FKBP9: variants seen among roughly 807,000 people sequenced by gnomAD.
FKBP9 encodes the protein FKBP prolyl isomerase 9.
Under a neutral mutation model 55.6 loss-of-function variants are expected in FKBP9, and 27 were observed. The observed-to-expected ratio is 0.49, with a 90% CI of 0.36 to 0.67. The LOEUF is 0.67. FKBP9 is among the 30% of genes least tolerant of loss of function. The probability of loss-of-function intolerance (pLI) is 0.00; values close to 1 mark genes in which losing one functional copy is unlikely to be tolerated. For synonymous variants in FKBP9, 267 were observed against 296.5 expected, an observed-to-expected ratio of 0.90 and a Z score of 1.02; for missense variants, 539 against 742.8, an observed-to-expected ratio of 0.73 and a Z score of 3.19.
intron 6 of FKBP9, among the ~76,000 whole-genome samples, chr7:32,992,529 C>G (rs1373374752): frequency 2.6e-5 from 4 of 152,212 alleles, no homozygotes; most frequent in East Asian, 1.9e-4. Context: ...AGGGTTTATA[C>G]AGAGAGGAGG....
intron 6 of FKBP9, 40 bp downstream of exon 6, chr7:32,988,692 C>T (rs1784623372): frequency 1.9e-6 from 3 of 1,604,070 alleles, no homozygotes; most frequent in Non-Finnish European, 2.6e-6. Context: ...CTAGCTGTGG[C>T]TGCTTCCACA....
At chr7:32,989,302 A>G (rs1381907015) in intron 6 of FKBP9, among the ~76,000 whole-genome samples, 1 of 152,184 alleles carries the variant, frequency 6.6e-6, no homozygotes, top group East Asian at 1.9e-4. Flanking sequence ...TGTCACCCTC[A>G]TACCACACTT....
At chr7:32,990,423 G>C (rs981579623) in intron 6 of FKBP9, among the ~76,000 whole-genome samples, 7 of 152,164 alleles carry the variant, frequency 4.6e-5, no homozygotes, top group African/African-American at 1.7e-4. Flanking sequence ...TTATGCTTCT[G>C]CCTTCCAGAA....
intron 7 of FKBP9, among the ~76,000 whole-genome samples, chr7:32,997,384 TA>T: frequency 6.6e-6 from 1 of 151,744 alleles, no homozygotes; most frequent in Non-Finnish European, 1.5e-5. Flanking sequence ...GGCTAATTTT[TA>T]AAATTTTTTT....
chr7:33,004,395 A>G (rs1000239079), intron 9 of FKBP9, among the ~76,000 whole-genome samples: 2 of 151,852 alleles, frequency 1.3e-5, no homozygotes, highest in Admixed American at 6.6e-5. Context: ...CCCTCTGCCC[A>G]CTTTACCCGG....
At chr7:32,996,810 C>T (rs1221508908) in intron 7 of FKBP9, among the ~76,000 whole-genome samples, 2 of 40,670 alleles carry the variant, frequency 4.9e-5, no homozygotes, top group East Asian at 7.9e-4. Flanking sequence ...TTTTTTGAGA[C>T]GGAGTCTCGC....
At chr7:32,963,824 C>T (rs1263644570) in intron 1 of FKBP9, 12 of 1,139,902 alleles carry the variant, frequency 1.1e-5, no homozygotes, top group East Asian at 6.4e-5. Flanking sequence ...GCACCAGCGC[C>T]GACAAACTGG....
intron 6 of FKBP9, 133 bp downstream of exon 6, chr7:32,988,785 A>G (rs1784626172): frequency 7.0e-6 from 6 of 852,432 alleles, no homozygotes; most frequent in Non-Finnish European, 1.1e-5. Flanking sequence ...TGGAAAGTGT[A>G]GTGTGTGATC....
At chr7:32,984,402 C>CA (rs1784537550) in intron 5 of FKBP9, among the ~76,000 whole-genome samples, 1 of 151,836 alleles carries the variant, frequency 6.6e-6, no homozygotes, top group Admixed American at 6.6e-5. Flanking sequence ...TGTAGTGATG[C>CA]AAAAAAATTT....
At chr7:32,959,513 A>G (rs371693788) in intron 1 of FKBP9, among the ~76,000 whole-genome samples, 1 of 152,252 alleles carries the variant, frequency 6.6e-6, no homozygotes, top group African/African-American at 2.4e-5. Flanking sequence ...GTTTTTTAGT[A>G]TATTCACAGA....
chr7:33,002,668 C>T lies in FKBP9; in HGVS notation c.1373-8C>T, dbSNP rs771399967. On this transcript the variant is annotated splice_region_variant and splice_polypyrimidine_tract_variant and intron_variant, in intron 8 of 9. Coordinates refer to ENST00000242209, the MANE Select transcript of FKBP9 (RefSeq NM_007270.5). Reference sequence around the variant, plus strand: ...TGACACCGCCTCCCGCTCCTGTCACCTGGACAGATGGAGAAGTGCCCGGCA... The same window carrying T: ...TGACACCGCCTCCCGCTCCTGTCACTTGGACAGATGGAGAAGTGCCCGGCA... The T allele has an allele frequency of 3.1e-6, 5 of 1,613,052 alleles. No individual in the cohort carries two copies. The highest frequency in any genetic ancestry group is 4.2e-6 in the Non-Finnish European group (5 of 1,179,536).
chr7:32,972,565 A>T (rs11972093), intron 1 of FKBP9, among the ~76,000 whole-genome samples: 110,682 of 152,056 alleles, frequency 0.73, 40,565 homozygotes, highest in South Asian at 0.8. Context: ...CATTTTGAAA[A>T]GTAAGATAAT....
intron 4 of FKBP9, among the ~76,000 whole-genome samples, chr7:32,976,776 CAGAA>C (rs1328396477): frequency 6.6e-6 from 1 of 152,182 alleles, no homozygotes; most frequent in Non-Finnish European, 1.5e-5. Context: ...TTCCATCACT[CAGAA>C]AGTTCTATTT....
chr7:32,984,009 T>C (rs145442369), intron 5 of FKBP9, among the ~76,000 whole-genome samples: 1,828 of 152,330 alleles, frequency 0.012, 16 homozygotes, highest in South Asian at 0.045. Context: ...TATTTGTTTG[T>C]TAATTTTGGT....
At chr7:32,987,874 C>G (rs997841798) in intron 5 of FKBP9, among the ~76,000 whole-genome samples, 11 of 152,174 alleles carry the variant, frequency 7.2e-5, no homozygotes, top group African/African-American at 2.4e-4. Context: ...TTTTCATTAA[C>G]TTGACATGGT....
At chr7:32,971,800 A>C (rs1311215820) in intron 1 of FKBP9, among the ~76,000 whole-genome samples, 1 of 152,098 alleles carries the variant, frequency 6.6e-6, no homozygotes, top group African/African-American at 2.4e-5. Context: ...GTTTAATTTC[A>C]TGAGCTTGGG....
At position 33,005,407 on chromosome 7, in the gene FKBP9, G is replaced by A. The variant is rs1785017437; in HGVS notation, c.*56G>A. On this transcript the variant is annotated 3_prime_UTR_variant, in exon 10 of 10. Coordinates refer to ENST00000242209, the MANE Select transcript of FKBP9 (RefSeq NM_007270.5). The stretch of plus-strand genomic sequence containing the variant: ...TACGTGACACCAAGCCACCTGTGTG[G>A]CAAGACGTGCAGTGAGGGTGCAAGG... 2 of 1,593,690 alleles carry A rather than the reference G, an allele frequency of 1.3e-6. No individual in the cohort carries two copies. Among genetic ancestry groups the A allele is most frequent in the South Asian group, 1.1e-5 (1 of 88,292 alleles).
chr7:32,990,176 T>A (rs1784653112), intron 6 of FKBP9, among the ~76,000 whole-genome samples: 1 of 152,084 alleles, frequency 6.6e-6, no homozygotes, highest in South Asian at 2.1e-4. Flanking sequence ...TGATTAAGGA[T>A]CTTGAGATAG....
intron 5 of FKBP9, among the ~76,000 whole-genome samples, chr7:32,987,276 G>C (rs1176625608): frequency 6.6e-6 from 1 of 152,052 alleles, no homozygotes; most frequent in South Asian, 2.1e-4. Context: ...CAGGCAGATC[G>C]CTTGAGCCCA....
Sources: allele counts gnomAD v4.1 joint callset (sites outside exome capture counted in the v4.1 genomes callset), GRCh38; gene constraint gnomAD v4.1.1; transcripts MANE v1.5; gene names NCBI Gene and HGNC (gene_info 2026-07-23, HGNC 2026-07-21).